Variants in ALDH4A1 observed in about 807,000 individuals in gnomAD.
ALDH4A1 encodes the protein aldehyde dehydrogenase 4 family member A1.
ALDH4A1 carries 46 observed loss-of-function variants against 70.5 expected under a neutral mutation model. The ratio of observed to expected loss-of-function variants is 0.65; its 90% CI spans 0.51 to 0.83. The LOEUF is 0.83. ALDH4A1 is among the 40% of genes least tolerant of loss of function. ALDH4A1 has a pLI of 0.00. For synonymous variants in ALDH4A1, 323 were observed against 324.3 expected, an observed-to-expected ratio of 1.00 and a Z score of 0.04; for missense variants, 749 against 766.5, an observed-to-expected ratio of 0.98 and a Z score of 0.27.
At chr1:18,902,381 G>A in intron 1 of ALDH4A1, 81 bp downstream of exon 1, 1 of 1,182,820 alleles carries the variant, frequency 8.5e-7, no homozygotes. Context: ...AGGGAGTGCG[G>A]CGCGGGGGAC....
intron 3 of ALDH4A1, among the ~76,000 whole-genome samples, chr1:18,887,260 C>T (rs922044781): frequency 3.9e-5 from 6 of 152,388 alleles, no homozygotes; most frequent in African/African-American, 7.2e-5. Flanking sequence ...GAGAACCATC[C>T]GGCTCAGCCG....
chr1:18,895,190 T>C (rs1935576154), intron 1 of ALDH4A1, among the ~76,000 whole-genome samples: 1 of 152,168 alleles, frequency 6.6e-6, no homozygotes, highest in South Asian at 2.1e-4. Context: ...ACCCAACCTT[T>C]CTCAGAGCAG....
rs758157328 is a variant in ALDH4A1, at chr1:18,885,648, T to C, written c.298-20A>G. 3.7e-6 allele frequency: 6 copies of C among 1,613,234 alleles called. No homozygotes were observed. In the Admixed American group the frequency reaches 5.0e-5, roughly 13 times the overall value. On this transcript the variant is annotated intron_variant, in intron 4 of 14. Coordinates refer to ENST00000375341, the MANE Select transcript of ALDH4A1 (RefSeq NM_003748.4). ...CAGGCTCTAAAGGGAGAGGGAGAGG[T>C]TGGGGACTGCCACCTGCAGCGGGAA...
intron 1 of ALDH4A1, 70 bp from the exon 2 acceptor site, chr1:18,890,175 C>G: frequency 7.6e-7 from 1 of 1,318,384 alleles, no homozygotes; most frequent in Non-Finnish European, 1.1e-6. Flanking sequence ...CCCAGCCCCT[C>G]TACCTCCGAC....
intron 4 of ALDH4A1, 62 bp from the exon 5 acceptor site, chr1:18,885,690 G>A: frequency 6.2e-7 from 1 of 1,609,038 alleles, no homozygotes; most frequent in East Asian, 2.2e-5. Flanking sequence ...TGGGGAGTGA[G>A]CGAGGGAGGA....
chr1:18,881,731 G>A lies in ALDH4A1; in HGVS notation c.835C>T (p.Leu279Phe), dbSNP rs1161278794. Residue 279 changes from leucine to phenylalanine, a missense_variant, in exon 8 of 15, where the codon CTC becomes TTC. Physicochemically the swap from Leu to Phe is conservative, Grantham distance 22 (BLOSUM62 0). Coordinates refer to ENST00000375341, the MANE Select transcript of ALDH4A1 (RefSeq NM_003748.4). Reference protein sequence around the residue: ...FGDTVTSSEHLCGINFTGSVP... With the variant: ...FGDTVTSSEHFCGINFTGSVP... ...CTGCCTGTGAAGTTGATGCCACAGA[G>A]GTGCTCTGAGCTGGTGACAGTGTCC... 1 of 1,614,118 alleles carries A rather than the reference G, an allele frequency of 6.2e-7. No individual in the cohort carries two copies. The highest frequency in any genetic ancestry group is 8.5e-7 in the Non-Finnish European group (1 of 1,180,042).
At chr1:18,875,775 T>G (rs1358484799) in intron 12 of ALDH4A1, among the ~76,000 whole-genome samples, 3 of 152,132 alleles carry the variant, frequency 2.0e-5, no homozygotes, top group Non-Finnish European at 2.9e-5. Flanking sequence ...CCCGGAGAAC[T>G]AAGGGTCCAG....
At chr1:18,890,614 G>C in intron 1 of ALDH4A1, 5 of 884,148 alleles carry the variant, frequency 5.7e-6, no homozygotes, top group Non-Finnish European at 6.8e-6. Context: ...TCCCACGGTT[G>C]TGTGTCCTTG....
rs536031585 is a variant in ALDH4A1, at chr1:18,872,867, C to T, written c.1670G>A (p.Trp557Ter). 2 of 1,613,990 alleles carry T rather than the reference C, an allele frequency of 1.2e-6. No homozygotes were observed. The highest frequency in any genetic ancestry group is 1.3e-5 in the African/African-American group (1 of 75,058). Residue 557 changes from tryptophan to a stop codon, truncating the protein, a stop_gained, in exon 15 of 15, where the codon TGG (tryptophan) becomes TAG (stop). Transcript: ENST00000375341. LOFTEE classifies it high-confidence loss of function. ...GGCTCACTGCATGTACGCGTAGCTC[C>T]AGTCCCCCAGGGGCTTATGTGTCTC... Reference protein sequence around the residue: ...IKETHKPLGDWSYAYMQ With the variant: ...IKETHKPLGD
In ALDH4A1 at chr1:18,902,540, G is replaced by A. The variant is rs989873043; in HGVS notation, c.-17C>T. On this transcript the variant is annotated 5_prime_UTR_variant, in exon 1 of 15. Transcript: ENST00000375341. ...CAGCAGCATCTCGGGTTAGAAGCGG[G>A]GCTGTTCGCTGGATCGTCCGCCCGG... The A allele has an allele frequency of 2.2e-5, 33 of 1,484,888 alleles. No homozygotes were observed. Among genetic ancestry groups the A allele is most frequent in the Non-Finnish European group, 2.7e-5 (30 of 1,117,996 alleles). 92.0% of individuals were successfully genotyped at this position (1,484,888 alleles called of 1,614,324 possible).
Position 18,877,419 on chromosome 1 carries a change from G to T in ALDH4A1, c.1134C>A (p.Gly378=). 4.5e-6 allele frequency: 7 copies of T among 1,569,190 alleles called. No individual in the cohort carries two copies. Among genetic ancestry groups the T allele is most frequent in the Non-Finnish European group, 5.2e-6 (6 of 1,156,332 alleles). Residue 378 remains glycine (G), a synonymous_variant, in exon 10 of 15, where the codon GGC becomes GGA. Coordinates refer to ENST00000375341, the MANE Select transcript of ALDH4A1 (RefSeq NM_003748.4). ...LLEEHSRIKV[G]DPAEDFGTFF... ...CGGGGGTGACGGTGCCACTCACGTC[G>T]CCCACTTTGATCCGACTGTGCTCCT...
rs1010458461 is a variant in ALDH4A1, at chr1:18,887,288, C to T, written c.250-777G>A. Among the ~76,000 whole-genome samples the T allele has an allele frequency of 7.2e-5, 11 of 152,268 alleles. 1 individual carries two copies. The highest frequency in any genetic ancestry group is 4.1e-4 in the South Asian group (2 of 4,838). ...CTCAGCCGCCTGACCGCAAGGCGGA[C>T]GAAGGCCCACCTAAAGAAACTTCCC... is the stretch of plus-strand genomic sequence containing the variant. On this transcript the variant is annotated intron_variant, in intron 3 of 14. Coordinates refer to ENST00000375341, the MANE Select transcript of ALDH4A1 (RefSeq NM_003748.4).
intron 2 of ALDH4A1, 107 bp downstream of exon 2, chr1:18,889,905 G>A (rs1935368249): frequency 2.9e-5 from 29 of 992,794 alleles, no homozygotes; most frequent in Non-Finnish European, 3.7e-5. Context: ...GGGAGCAAGG[G>A]TAGAAGCGGG....
At position 18,876,361 on chromosome 1, in the gene ALDH4A1, G is replaced by T. The variant is rs765203475; in HGVS notation, c.1292C>A (p.Pro431His). ...CDDSVGYFVEPCIVESKDPQE... is the reference protein window; with the variant it reads ...CDDSVGYFVEHCIVESKDPQE... ...AGGGTCCTTGCTCTCCACGATGCAG[G>T]GCTCCACAAAGTAGCCCACGGAGTC... is the stretch of plus-strand genomic sequence containing the variant. The change falls in exon 12 of 15, where the codon CCC (proline) becomes CAC (histidine). Residue 431 changes from proline to histidine, a missense_variant. Physicochemically the swap from Pro to His is moderately conservative, Grantham distance 77. Coordinates refer to ENST00000375341, the MANE Select transcript of ALDH4A1 (RefSeq NM_003748.4). 5 of 1,613,818 alleles carry T rather than the reference G, an allele frequency of 3.1e-6. No homozygotes were observed. In the East Asian group the frequency reaches 1.1e-4, roughly 36 times the overall value.
chr1:18,888,823 C>T (rs1232814828), intron 3 of ALDH4A1, among the ~76,000 whole-genome samples: 3 of 152,224 alleles, frequency 2.0e-5, no homozygotes, highest in Admixed American at 2.0e-4. Flanking sequence ...GACCTGGGTC[C>T]TCCCCCTCAG....
At chr1:18,876,864 T>C (rs1032220323) in intron 11 of ALDH4A1, among the ~76,000 whole-genome samples, 2 of 152,200 alleles carry the variant, frequency 1.3e-5, no homozygotes, top group Non-Finnish European at 2.9e-5. Context: ...TGTGCTTATG[T>C]GCAAATGGAT....
At chr1:18,900,749 C>G (rs1347295774) in intron 1 of ALDH4A1, 2 of 652,532 alleles carry the variant, frequency 3.1e-6, no homozygotes, top group Non-Finnish European at 3.8e-6. Flanking sequence ...TTCTCTTTCC[C>G]CTCTCAATTC....
At chr1:18,874,618 C>T (rs1557609129) in intron 13 of ALDH4A1, 37 bp from the exon 14 acceptor site, 5 of 1,600,680 alleles carry the variant, frequency 3.1e-6, no homozygotes, top group Non-Finnish European at 4.3e-6. Flanking sequence ...GCAACCAGCT[C>T]ATCTCCCCTC....
At chr1:18,876,571 A>G (rs369147416) in intron 11 of ALDH4A1, 104 bp from the exon 12 acceptor site, 1 of 1,328,202 alleles carries the variant, frequency 7.5e-7, no homozygotes, top group Admixed American at 2.4e-5. Context: ...GAAGGGCCCA[A>G]CTCCTGAAAC....
Sources: gnomAD v4.1 joint callset for allele counts (sites outside exome capture counted in the v4.1 genomes callset) on GRCh38, gnomAD v4.1.1 for gene constraint, MANE v1.5 for transcripts, NCBI Gene and HGNC (gene_info 2026-07-23, HGNC 2026-07-21) for gene names.